The following NCAN variants were observed in gnomAD, a reference collection of about 807,000 sequenced individuals.
NCAN encodes the protein neurocan, also known as neurocan core protein.
In NCAN, 47 loss-of-function variants were observed where a neutral mutation model predicts 121.8. The ratio of observed to expected loss-of-function variants is 0.39; its 90% CI spans 0.31 to 0.49. The LOEUF (loss-of-function observed/expected upper bound fraction) is 0.49. Among genes scored for constraint, NCAN ranks in the 20% least tolerant of loss-of-function variants. The pLI, the probability that NCAN is intolerant of heterozygous loss-of-function variation, is 0.92. For missense variants in NCAN, 1,517 were observed against 1,773.4 expected (o/e 0.86, Z 2.60); for synonymous variants, 633 against 702.0 (o/e 0.90, Z 1.55).
chr19:19,228,591 G>A lies in NCAN; in HGVS notation c.2971G>A (p.Glu991Lys), dbSNP rs192018183. 6.2e-7 allele frequency: 1 copy of A among 1,612,916 alleles called. No homozygotes were observed. The highest frequency in any genetic ancestry group is 8.5e-7 in the Non-Finnish European group (1 of 1,179,926). ...ESFWEEVASG[E>K]EPALPGTPMN... Reference sequence around the variant, plus strand: ...CTTCTGGGAGGAGGTGGCAAGTGGAGAGGAGCCAGCCCTGCCAGGGACCCC... The same window carrying A: ...CTTCTGGGAGGAGGTGGCAAGTGGAAAGGAGCCAGCCCTGCCAGGGACCCC... The change falls in exon 8 of 15, where the codon GAG (glutamate) becomes AAG (lysine). Residue 991 changes from glutamate to lysine, a missense_variant. Glu to Lys is a moderately conservative substitution (Grantham distance 56). Coordinates refer to ENST00000252575, the MANE Select transcript of NCAN (RefSeq NM_004386.3).
chr19:19,243,567 G>GTAA (rs1432396922), intron 12 of NCAN, among the ~76,000 whole-genome samples: 1 of 151,026 alleles, frequency 6.6e-6, no homozygotes, highest in Non-Finnish European at 1.5e-5. Context: ...TAACAATGAT[G>GTAA]GTTATGCAAC....
At chr19:19,214,805 G>A (rs766069410) in intron 1 of NCAN, among the ~76,000 whole-genome samples, 16 of 151,668 alleles carry the variant, frequency 1.1e-4, no homozygotes, top group Admixed American at 6.6e-5. Flanking sequence ...TTGTCCTCTC[G>A]TAAGGCCCTG....
chr19:19,238,303 C>T lies in NCAN; in HGVS notation c.3301C>T (p.Arg1101Cys), dbSNP rs757412246. The T allele has an allele frequency of 9.9e-6, 16 of 1,614,044 alleles. No homozygotes were observed. The highest frequency in any genetic ancestry group is 3.3e-4 in the Middle Eastern group (2 of 6,082). ...GCATAAGTTCCAGGGCCACTGTTACCGCTATTTTGCCCACCGGAGGGCATG... is the reference window on the plus strand; with the variant it reads ...GCATAAGTTCCAGGGCCACTGTTACTGCTATTTTGCCCACCGGAGGGCATG... ...GWHKFQGHCY[R>C]YFAHRRAWED... The change falls in exon 11 of 15, where the codon CGC (arginine) becomes TGC (cysteine). Residue 1101 changes from arginine (R) to cysteine (C), a missense_variant. Transcript: ENST00000252575.
chr19:19,235,779 G>A (rs551361560), intron 10 of NCAN, among the ~76,000 whole-genome samples: 313 of 151,074 alleles, frequency 2.1e-3, no homozygotes, highest in African/African-American at 7.2e-3. Flanking sequence ...TCTCACCCTG[G>A]CACCCAGGCT....
chr19:19,212,999 C>T lies in NCAN; in HGVS notation c.-8+935C>T, dbSNP rs2060780922. The stretch of plus-strand genomic sequence containing the variant: ...GGCACAGGGGCTGGGAAGTAAGGGG[C>T]TGGGAAGTAAGGGCCCTGTCTGGGC... On this transcript the variant is annotated intron_variant, in intron 1 of 14. Transcript: ENST00000252575. This position sits in a 1 kb window ranked among gnomAD's most constrained non-coding sequence, Gnocchi z 4.5. 6.6e-6 allele frequency among the ~76,000 whole-genome samples: 1 copy of T among 151,678 alleles called. No homozygotes were observed. Among genetic ancestry groups the T allele is most frequent in the East Asian group, 1.9e-4 (1 of 5,186 alleles).
At chr19:19,244,566 CT>C (rs2060917270) in intron 12 of NCAN, among the ~76,000 whole-genome samples, 1 of 152,040 alleles carries the variant, frequency 6.6e-6, no homozygotes, top group Non-Finnish European at 1.5e-5. Flanking sequence ...CCCTTGGCCT[CT>C]CAAAGTGCTG....
intron 12 of NCAN, 36 bp from the exon 13 acceptor site, chr19:19,245,277 G>A: frequency 6.2e-7 from 1 of 1,609,696 alleles, no homozygotes; most frequent in Non-Finnish European, 8.5e-7. Flanking sequence ...TGGAACAGAG[G>A]TCCCCTGAAC....
At position 19,228,470 on chromosome 19, in the gene NCAN, G is replaced by C; in HGVS notation, c.2850G>C (p.Thr950=). The change falls in exon 8 of 15, where the codon ACG becomes ACC. Residue 950 remains threonine (T), a synonymous_variant. Coordinates refer to ENST00000252575, the MANE Select transcript of NCAN (RefSeq NM_004386.3). ...CCTCAGTTTCCTCAGGGGAGCCTAC[G>C]GTACCGTGGGACCCCTCCAGCACCC... ...ESASVSSGEP[T]VPWDPSSTLL... is the part of the protein sequence containing the mutation. 2.5e-6 allele frequency: 4 copies of C among 1,613,586 alleles called. No individual in the cohort carries two copies. Among genetic ancestry groups the C allele is most frequent in the Non-Finnish European group, 3.4e-6 (4 of 1,180,014 alleles).
chr19:19,239,748 ACTC>A (rs1489687318), intron 11 of NCAN, among the ~76,000 whole-genome samples: 1 of 46,288 alleles, frequency 2.2e-5, no homozygotes, highest in Admixed American at 2.6e-4. Context: ...CCTCCCTTCT[ACTC>A]CTCCTCCTTC....
chr19:19,245,228 C>T (rs1167157808), intron 12 of NCAN, 85 bp from the exon 13 acceptor site: 60 of 1,530,182 alleles, frequency 3.9e-5, no homozygotes, highest in Non-Finnish European at 5.2e-5. Context: ...AGGGGTCTGG[C>T]CAGGGGAGTC....
intron 5 of NCAN, 29 bp from the exon 6 acceptor site, chr19:19,224,945 GCCC>G: frequency 7.3e-7 from 1 of 1,371,000 alleles, no homozygotes; most frequent in Non-Finnish European, 9.4e-7. Flanking sequence ...GGGTTCCCCA[GCCC>G]CCCTGACCTC....
chr19:19,240,118 A>C (rs1254675462), intron 11 of NCAN, among the ~76,000 whole-genome samples: 72 of 66,898 alleles, frequency 1.1e-3, no homozygotes, highest in African/African-American at 1.6e-3. Flanking sequence ...CCTCCTCCCC[A>C]TCCTTCTTCC....
At chr19:19,221,458 C>T (rs2060816476) in intron 3 of NCAN, among the ~76,000 whole-genome samples, 1 of 151,600 alleles carries the variant, frequency 6.6e-6, no homozygotes, top group African/African-American at 2.4e-5. Flanking sequence ...ACCCCAGCTA[C>T]TCGGGAGGCT....
In NCAN at chr19:19,227,346, A is replaced by C. The variant is rs757496531; in HGVS notation, c.1726A>C (p.Ile576Leu). ...LWPPTMVPPS[I>L]SGHSRAPVLE... ...GCCCCCTACCATGGTCCCACCCAGC[A>C]TCTCAGGCCACAGCAGGGCCCCTGT... The change falls in exon 8 of 15, where the codon ATC (isoleucine) becomes CTC (leucine). Residue 576 changes from isoleucine to leucine, a missense_variant. Physicochemically the swap from Ile to Leu is conservative, Grantham distance 5 (BLOSUM62 2). Transcript: ENST00000252575. This position sits in a 1 kb window ranked among gnomAD's most constrained non-coding sequence, Gnocchi z 4.2. 1.2e-6 allele frequency: 2 copies of C among 1,611,578 alleles called. No homozygotes were observed. Among genetic ancestry groups the C allele is most frequent in the Admixed American group, 1.7e-5 (1 of 59,752 alleles).
In NCAN at chr19:19,212,291, A is replaced by G. The variant is rs536601391; in HGVS notation, c.-8+227A>G. On this transcript the variant is annotated intron_variant, in intron 1 of 14. Transcript: ENST00000252575. This position sits in a 1 kb window ranked among gnomAD's most constrained non-coding sequence, Gnocchi z 4.5. ...GAGGAAGGTTGTCCGCGGAATCCGG[A>G]GACTACCCCCCGGTGGGGAGGGGGC... Among the ~76,000 whole-genome samples, 1 of 145,444 alleles carries G rather than the reference A, an allele frequency of 6.9e-6. No individual in the cohort carries two copies. The highest frequency in any genetic ancestry group is 1.5e-5 in the Non-Finnish European group (1 of 66,526).
rs918169283 is a variant in NCAN at position 19,251,145 on chromosome 19, T to C, written c.*1234T>C. The C allele has an allele frequency of 4.6e-5, 7 of 152,348 alleles. No individual in the cohort carries two copies. The highest frequency in any genetic ancestry group is 1.4e-4 in the African/African-American group (6 of 41,572). 9.4% of individuals were successfully genotyped at this position (152,348 alleles called of 1,614,324 possible). ...AGATCCACAGCTTTTCCTCCATGTC[T>C]GTTACTCACTTTCAGCAGTCCGGGT... On this transcript the variant is annotated 3_prime_UTR_variant, in exon 15 of 15. Transcript: ENST00000252575.
chr19:19,247,977 G>A (rs532175511), intron 13 of NCAN, among the ~76,000 whole-genome samples: 1 of 152,146 alleles, frequency 6.6e-6, no homozygotes, highest in East Asian at 1.9e-4. Flanking sequence ...GTGGGACCCT[G>A]TCTTTACAAA....
chr19:19,224,878 TAAC>T, intron 5 of NCAN, 96 bp from the exon 6 acceptor site: 1 of 1,102,378 alleles, frequency 9.1e-7, no homozygotes, highest in Non-Finnish European at 1.2e-6. Context: ...ACCACCACCC[TAAC>T]ACGTCCAGGT....
At chr19:19,222,638 G>A (rs1465711787) in intron 3 of NCAN, among the ~76,000 whole-genome samples, 1 of 152,188 alleles carries the variant, frequency 6.6e-6, no homozygotes, top group East Asian at 1.9e-4. Context: ...AGGACACAGA[G>A]CTCTCAGTTG....
Sources: allele counts gnomAD v4.1 joint callset (sites outside exome capture counted in the v4.1 genomes callset), GRCh38; gene constraint gnomAD v4.1.1; non-coding constraint Gnocchi (gnomAD v3.1); transcripts MANE v1.5; gene names NCBI Gene and HGNC (gene_info 2026-07-23, HGNC 2026-07-21).